The following SENP1 variants were observed in gnomAD, a reference collection of about 807,000 sequenced individuals.
SENP1 encodes SUMO specific peptidase 1, also known as sentrin-specific protease 1.
Under a neutral mutation model 93.0 loss-of-function variants are expected in SENP1, and 21 were observed. That is an observed-to-expected ratio of 0.23 (90% CI 0.16 to 0.33). The LOEUF (loss-of-function observed/expected upper bound fraction) is 0.33. Among genes scored for constraint, SENP1 ranks in the 10% least tolerant of loss-of-function variants. The pLI, the probability that SENP1 is intolerant of heterozygous loss-of-function variation, is 1.00. For missense variants in SENP1, 591 were observed against 758.7 expected (o/e 0.78, Z 2.60); for synonymous variants, 256 against 259.6 (o/e 0.99, Z 0.13).
At chr12:48,087,443 T>C (rs1944957981) in intron 5 of SENP1, among the ~76,000 whole-genome samples, 1 of 152,238 alleles carries the variant, frequency 6.6e-6, no homozygotes, top group Non-Finnish European at 1.5e-5. Context: ...AAAAGCCACC[T>C]GCTAAATGAT....
At chr12:48,078,411 A>G (rs1592398356) in intron 6 of SENP1, among the ~76,000 whole-genome samples, 1 of 150,210 alleles carries the variant, frequency 6.7e-6, no homozygotes, top group African/African-American at 2.4e-5. Context: ...ATACACATAT[A>G]TATTCACACA....
chr12:48,067,843 C>T (rs1943402598), intron 9 of SENP1, among the ~76,000 whole-genome samples: 2 of 151,724 alleles, frequency 1.3e-5, no homozygotes, highest in Admixed American at 1.3e-4. Flanking sequence ...TAGAATAGTG[C>T]TTGGCACAGA....
At chr12:48,061,300 AGAG>A (rs1942947766) in intron 13 of SENP1, among the ~76,000 whole-genome samples, 1 of 152,226 alleles carries the variant, frequency 6.6e-6, no homozygotes, top group Non-Finnish European at 1.5e-5. Context: ...CAGAAAAAGA[AGAG>A]AAATTATTAT....
chr12:48,045,174 C>A lies in SENP1; in HGVS notation c.*148G>T. The A allele has an allele frequency of 1.6e-6, 1 of 628,006 alleles. No homozygotes were observed. Among genetic ancestry groups the A allele is most frequent in the South Asian group, 1.9e-5 (1 of 51,546 alleles). The allele number at this position is 628,006 out of a possible 1,614,324, so 38.9% of individuals were successfully genotyped here. A position where few individuals can be genotyped will look rare whatever the true frequency, so the allele number is the denominator to read the frequency against. On this transcript the variant is annotated 3_prime_UTR_variant, in exon 18 of 18. Transcript: ENST00000549518. ...AGATACAAAAGGAAAGGCAGATGTG[C>A]TTGTGAATGCATCTCGCCAGGGCCT...
At chr12:48,057,035 T>A (rs1321165154) in intron 13 of SENP1, among the ~76,000 whole-genome samples, 1 of 48,200 alleles carries the variant, frequency 2.1e-5, no homozygotes, top group Non-Finnish European at 2.9e-5. Context: ...AATATATTAT[T>A]TAATATATTA....
At position 48,043,737 on chromosome 12, in the gene SENP1, G is replaced by T. The variant is rs1402719861; in HGVS notation, c.*1585C>A. ...GAAGGGAGGACATGTAGTTGCTGGA[G>T]TGGAAACAGTAACATTCAGTTAACA... On this transcript the variant is annotated 3_prime_UTR_variant, in exon 18 of 18. Transcript: ENST00000549518. 1 of 152,594 alleles carries T rather than the reference G, an allele frequency of 6.6e-6. No individual in the cohort carries two copies. The highest frequency in any genetic ancestry group is 1.9e-4 in the East Asian group (1 of 5,196). 9.5% of individuals were successfully genotyped at this position (152,594 alleles called of 1,614,324 possible).
chr12:48,059,435 C>A (rs377451914), intron 13 of SENP1, among the ~76,000 whole-genome samples: 1 of 152,064 alleles, frequency 6.6e-6, no homozygotes, highest in East Asian at 1.9e-4. Context: ...AGTTCAAGGT[C>A]GGTCTTGTTT....
intron 5 of SENP1, chr12:48,084,940 T>G (rs1199819179): frequency 5.6e-6 from 3 of 539,484 alleles, no homozygotes; most frequent in Non-Finnish European, 6.6e-6. Context: ...TCAGACAAGA[T>G]CTAAAGAAAA....
At position 48,098,273 on chromosome 12, in the gene SENP1, G is replaced by C. The variant is rs1048726168; in HGVS notation, c.5-149C>G. The C allele has an allele frequency of 1.2e-5, 9 of 763,870 alleles. No individual in the cohort carries two copies. In the African/African-American group the frequency reaches 1.6e-4, roughly 13 times the overall value. 47.3% of individuals were successfully genotyped at this position (763,870 alleles called of 1,614,324 possible). A position where few individuals can be genotyped will look rare whatever the true frequency, so the allele number is the denominator to read the frequency against. The stretch of plus-strand genomic sequence containing the variant: ...CCAGCACTCTGAGAGGCTGAGGCAG[G>C]AGGATTTTTTTGAGGCCAAAAGTTC... On this transcript the variant is annotated intron_variant, in intron 2 of 17. Transcript: ENST00000549518.
chr12:48,092,183 A>G (rs543962908), intron 4 of SENP1, among the ~76,000 whole-genome samples: 11 of 152,050 alleles, frequency 7.2e-5, no homozygotes, highest in Non-Finnish European at 1.3e-4. Context: ...CTGGTGAAGG[A>G]GGGGACAGCA....
intron 5 of SENP1, among the ~76,000 whole-genome samples, chr12:48,084,447 G>GTTTTTTT (rs5798059): frequency 1.9e-4 from 21 of 109,442 alleles, no homozygotes; most frequent in Non-Finnish European, 3.1e-4. Context: ...CTAATTTTGA[G>GTTTTTTT]TTTTTTTTTT....
intron 6 of SENP1, among the ~76,000 whole-genome samples, chr12:48,075,684 C>T (rs1944019651): frequency 6.6e-6 from 1 of 152,074 alleles, no homozygotes; most frequent in South Asian, 2.1e-4. Flanking sequence ...GCTCCAGTCA[C>T]TAAAGATAAT....
intron 14 of SENP1, among the ~76,000 whole-genome samples, chr12:48,048,324 T>C (rs942929945): frequency 2.6e-5 from 4 of 152,214 alleles, no homozygotes; most frequent in Non-Finnish European, 5.9e-5. Flanking sequence ...CTTTTTCTAA[T>C]GTTCATTCTC....
rs569624146 is a variant in SENP1 at position 48,042,958 on chromosome 12, C to A, written c.*2364G>T. 66 of 152,032 alleles carry A rather than the reference C, an allele frequency of 4.3e-4. No homozygotes were observed. Among genetic ancestry groups the A allele is most frequent in the African/African-American group, 1.3e-3 (52 of 41,482 alleles). The allele number at this position is 152,032 out of a possible 1,614,324, so 9.4% of individuals were successfully genotyped here. Reference sequence around the variant, plus strand: ...AATTACATAAGATATTAATAACATGCCTTTGGGCCATAAAATGCAGAAATA... The same window carrying A: ...AATTACATAAGATATTAATAACATGACTTTGGGCCATAAAATGCAGAAATA... On this transcript the variant is annotated 3_prime_UTR_variant, in exon 18 of 18. Coordinates refer to ENST00000549518, the MANE Select transcript of SENP1 (RefSeq NM_001267594.2).
Position 48,074,445 on chromosome 12 carries a change from A to T in SENP1, c.819T>A (p.Ser273=), listed in dbSNP as rs1463278093. ...EQLSHSVYSL[S]SYTPDVAFGS... is the part of the protein sequence containing the mutation. ...CAAATGCAACATCTGGGGTATAAGA[A>T]GATAGGGAATATACACTGTGGGACA... The change falls in exon 8 of 18, where the codon TCT becomes TCA. Residue 273 remains serine, a synonymous_variant. Coordinates refer to ENST00000549518, the MANE Select transcript of SENP1 (RefSeq NM_001267594.2). 6.2e-7 allele frequency: 1 copy of T among 1,613,948 alleles called. No homozygotes were observed. Among genetic ancestry groups the T allele is most frequent in the Non-Finnish European group, 8.5e-7 (1 of 1,179,838 alleles).
chr12:48,104,176 AC>A (rs1946188597), intron 1 of SENP1, among the ~76,000 whole-genome samples: 1 of 147,948 alleles, frequency 6.8e-6, no homozygotes, highest in Admixed American at 6.8e-5. Context: ...AAGCCATTGC[AC>A]TCCAGCCTGG....
chr12:48,045,378 T>C lies in SENP1; in HGVS notation c.1879A>G (p.Met627Val), dbSNP rs1565725679. The change falls in exon 18 of 18, where the codon ATG becomes GTG. Residue 627 changes from methionine to valine, a missense_variant. Physicochemically the swap from Met to Val is conservative, Grantham distance 21. Around this residue, in one of 4 missense-constraint regions of SENP1, gnomAD observed 132 missense variants for 230.1 expected, o/e 0.57. Transcript: ENST00000549518. ...ACCATCCGCTTCCGGAAGTATGGCA[T>C]GTGTTGCTGTAGGGACACAGAGACA... is the stretch of plus-strand genomic sequence containing the variant. ...DRPINFTQQH[M>V]PYFRKRMVWE... The C allele has an allele frequency of 1.9e-6, 3 of 1,613,756 alleles. No individual in the cohort carries two copies. The highest frequency in any genetic ancestry group is 2.2e-5 in the East Asian group (1 of 44,874).
chr12:48,102,482 T>TTGGAACTA (rs1592499746), intron 1 of SENP1, among the ~76,000 whole-genome samples: 1 of 148,272 alleles, frequency 6.7e-6, no homozygotes, highest in Non-Finnish European at 1.5e-5. Context: ...ACCAAACTGC[T>TTGGAACTA]TGGAACTAGG....
chr12:48,089,976 A>C (rs575315777), intron 4 of SENP1, among the ~76,000 whole-genome samples: 1 of 152,350 alleles, frequency 6.6e-6, no homozygotes, highest in African/African-American at 2.4e-5. Flanking sequence ...TCCAAAATAT[A>C]ATTTTGTGCT....
Sources: allele counts gnomAD v4.1 joint callset (sites outside exome capture counted in the v4.1 genomes callset), GRCh38; gene constraint gnomAD v4.1.1; regional missense constraint gnomAD v4.1.1; transcripts MANE v1.5; gene names NCBI Gene and HGNC (gene_info 2026-07-23, HGNC 2026-07-21).